GRID2: variants seen among roughly 807,000 people sequenced by gnomAD.
GRID2 encodes glutamate ionotropic receptor delta type subunit 2, also known as glutamate receptor ionotropic, delta-2.
In GRID2, 33 loss-of-function variants were observed where a neutral mutation model predicts 114.8. The observed-to-expected ratio is 0.29, with a 90% CI of 0.22 to 0.38. The LOEUF is 0.38. Among genes scored for constraint, GRID2 ranks in the 10% least tolerant of loss-of-function variants. The pLI, the probability that GRID2 is intolerant of heterozygous loss-of-function variation, is 1.00. For synonymous variants in GRID2, 505 were observed against 449.9 expected, an observed-to-expected ratio of 1.12 and a Z score of -1.55; for missense variants, 1,184 against 1,257.7, an observed-to-expected ratio of 0.94 and a Z score of 0.89.
At chr4:93,757,131 C>G (rs1365570092) in intron 14 of GRID2, among the ~76,000 whole-genome samples, 1 of 152,080 alleles carries the variant, frequency 6.6e-6, no homozygotes, top group Non-Finnish European at 1.5e-5. Context: ...CTCATATTTA[C>G]TAAAGGATAT....
intron 2 of GRID2, among the ~76,000 whole-genome samples, chr4:92,974,136 G>A (rs1451050987): frequency 1.3e-5 from 2 of 152,164 alleles, no homozygotes; most frequent in Non-Finnish European, 2.9e-5. Context: ...ACCACAATAA[G>A]ATACCATCTC....
At position 93,216,731 on chromosome 4, in the gene GRID2, CT is replaced by C; in HGVS notation, c.790-5del. The C allele has an allele frequency of 6.3e-7, 1 of 1,586,674 alleles. No individual in the cohort carries two copies. The highest frequency in any genetic ancestry group is 8.7e-7 in the Non-Finnish European group (1 of 1,156,040). Reference sequence around the variant, plus strand: ...TATCTCTAATTCTTCCACCTCTTATCTTATAGGAAATAAACGATGTGGACGT... The same window carrying C: ...TATCTCTAATTCTTCCACCTCTTATCTATAGGAAATAAACGATGTGGACGT... On this transcript the variant is annotated splice_region_variant and splice_polypyrimidine_tract_variant and intron_variant, in intron 5 of 15. Coordinates refer to ENST00000282020, the MANE Select transcript of GRID2 (RefSeq NM_001510.4).
intron 2 of GRID2, among the ~76,000 whole-genome samples, chr4:93,037,772 G>A (rs1725061153): frequency 6.6e-6 from 1 of 152,092 alleles, no homozygotes; most frequent in Non-Finnish European, 1.5e-5. Flanking sequence ...TTATTTCTGA[G>A]GCCTCTGTTC....
chr4:92,527,277 G>T (rs1725089489), intron 1 of GRID2, among the ~76,000 whole-genome samples: 1 of 152,064 alleles, frequency 6.6e-6, no homozygotes, highest in Non-Finnish European at 1.5e-5. Flanking sequence ...CACTAGAAAT[G>T]TAAACTGAGC....
chr4:92,997,558 C>A (rs1420555076), intron 2 of GRID2, among the ~76,000 whole-genome samples: 1 of 152,126 alleles, frequency 6.6e-6, no homozygotes, highest in Admixed American at 6.6e-5. Context: ...ACATCCTTAA[C>A]CTCAGGTAGC....
At chr4:93,671,426 C>T (rs1432438290) in intron 14 of GRID2, among the ~76,000 whole-genome samples, 1 of 152,090 alleles carries the variant, frequency 6.6e-6, no homozygotes, top group Non-Finnish European at 1.5e-5. Flanking sequence ...CAAACTTGAT[C>T]AGCCCCTGCC....
chr4:92,615,664 G>T (rs62307893), intron 2 of GRID2, among the ~76,000 whole-genome samples: 8,406 of 151,180 alleles, frequency 0.056, 296 homozygotes, highest in East Asian at 0.16. Flanking sequence ...GCTTTTTATT[G>T]CTATACCTCA....
At chr4:92,441,046 C>T (rs28802625) in intron 1 of GRID2, among the ~76,000 whole-genome samples, 4,289 of 151,534 alleles carry the variant, frequency 0.028, 142 homozygotes, top group African/African-American at 0.098. Flanking sequence ...CAGCGGCAGC[C>T]GCTGCATGCA....
chr4:93,388,587 A>C (rs2149319442), intron 8 of GRID2, among the ~76,000 whole-genome samples: 1 of 152,330 alleles, frequency 6.6e-6, no homozygotes, highest in South Asian at 2.1e-4. Flanking sequence ...TGATGAATAT[A>C]AATAATAACA....
rs146552247 is a variant in GRID2 at position 93,784,516 on chromosome 4, C to A, written c.221+15066C>A. The stretch of plus-strand genomic sequence containing the variant: ...AAAGGAAATAGGAAAGTATCATTGA[C>A]AAGTAGGAGCCAGAGAATAAGACTT... On this transcript the variant is annotated intron_variant, in intron 1 of 1. Coordinates refer to the GRID2 transcript ENST00000637838. Among the ~76,000 whole-genome samples, 366 of 151,918 alleles carry A rather than the reference C, an allele frequency of 2.4e-3. 2 individuals are homozygous for A. Among genetic ancestry groups the A allele is most frequent in the African/African-American group, 8.4e-3 (348 of 41,404 alleles).
chr4:93,456,012 T>C (rs1723155583), intron 11 of GRID2, 38 bp downstream of exon 11: 1 of 1,188,020 alleles, frequency 8.4e-7, no homozygotes, highest in Non-Finnish European at 1.3e-6. Context: ...TTAAAAAAAA[T>C]AGAATGTGAT....
intron 1 of GRID2, among the ~76,000 whole-genome samples, chr4:92,528,299 GTA>G (rs70942904): frequency 0.094 from 13,958 of 147,900 alleles, 995 homozygotes; most frequent in African/African-American, 0.2. Context: ...TATATTTTGA[GTA>G]TATATATATA....
intron 1 of GRID2, among the ~76,000 whole-genome samples, chr4:92,503,403 A>G (rs912772702): frequency 2.6e-5 from 4 of 152,154 alleles, no homozygotes; most frequent in Admixed American, 6.6e-5. Context: ...GAGAGATACA[A>G]TGAAATCATC....
At chr4:93,271,601 G>A (rs955033548) in intron 8 of GRID2, among the ~76,000 whole-genome samples, 3 of 152,122 alleles carry the variant, frequency 2.0e-5, no homozygotes, top group Non-Finnish European at 4.4e-5. Context: ...TTTTCACTAA[G>A]GTTAGAGGTT....
intron 1 of GRID2, among the ~76,000 whole-genome samples, chr4:92,477,039 ATGTGTG>A (rs70940894): frequency 0.15 from 17,545 of 119,046 alleles, 1,129 homozygotes; most frequent in Non-Finnish European, 0.16. Flanking sequence ...ATTTAACTTC[ATGTGTG>A]TGTGTGTGTG....
chr4:92,396,660 T>C (rs766471890), intron 1 of GRID2, among the ~76,000 whole-genome samples: 4 of 152,046 alleles, frequency 2.6e-5, no homozygotes, highest in Non-Finnish European at 5.9e-5. Context: ...AACAGGTGTA[T>C]AAATCGTAAT....
At chr4:93,774,568 A>T (rs1734314819), downstream of GRID2, 1 of 152,140 alleles carries the variant, frequency 6.6e-6, no homozygotes, top group Admixed American at 6.5e-5. Flanking sequence ...TTGCTCTCAT[A>T]CTATTGAAGT....
At position 93,188,173 on chromosome 4, in the gene GRID2, G is replaced by A. The variant is rs1442641798; in HGVS notation, c.736-19231G>A. 2.6e-5 allele frequency among the ~76,000 whole-genome samples: 4 copies of A among 152,282 alleles called. No individual in the cohort carries two copies. The South Asian group carries it at 8.3e-4, about 32-fold the overall frequency. On this transcript the variant is annotated intron_variant, in intron 4 of 15. Coordinates refer to ENST00000282020, the MANE Select transcript of GRID2 (RefSeq NM_001510.4). Reference sequence around the variant, plus strand: ...ATTGCCCTAATGGGATCCCTCTGTGGTGGCCCCACTCCTGTGGCTGTTCAC... The same window carrying A: ...ATTGCCCTAATGGGATCCCTCTGTGATGGCCCCACTCCTGTGGCTGTTCAC...
intron 1 of GRID2, among the ~76,000 whole-genome samples, chr4:92,406,035 A>C (rs1731013745): frequency 6.6e-6 from 1 of 152,132 alleles, no homozygotes; most frequent in African/African-American, 2.4e-5. Flanking sequence ...AGAGAGATGT[A>C]GGTTGGGAGG....
Sources: gnomAD v4.1 joint callset for allele counts (sites outside exome capture counted in the v4.1 genomes callset) on GRCh38, gnomAD v4.1.1 for gene constraint, MANE v1.5 for transcripts, NCBI Gene and HGNC (gene_info 2026-07-23, HGNC 2026-07-21) for gene names.